NRXN3: variants seen among roughly 807,000 people sequenced by gnomAD.
NRXN3 encodes neurexin 3.
In NRXN3, 32 loss-of-function variants were observed where a neutral mutation model predicts 137.6. The ratio of observed to expected loss-of-function variants is 0.23; its 90% CI spans 0.18 to 0.31. The LOEUF is 0.31. Ranked by LOEUF, NRXN3 falls within the 10% of genes least tolerant of loss-of-function variation. The probability of loss-of-function intolerance (pLI) is 1.00; values close to 1 mark genes in which losing one functional copy is unlikely to be tolerated. For missense variants in NRXN3, 1,574 were observed against 2,062.5 expected (o/e 0.76, Z 4.59); for synonymous variants, 798 against 784.5 (o/e 1.02, Z -0.29).
chr14:79,644,821 C>G (rs2098446707), intron 16 of NRXN3, among the ~76,000 whole-genome samples: 1 of 135,722 alleles, frequency 7.4e-6, no homozygotes, highest in African/African-American at 2.5e-5. Flanking sequence ...CATATATTAT[C>G]TCATTTGATC....
At chr14:79,423,620 C>T (rs2095613402) in intron 15 of NRXN3, among the ~76,000 whole-genome samples, 1 of 152,210 alleles carries the variant, frequency 6.6e-6, no homozygotes, top group African/African-American at 2.4e-5. Flanking sequence ...CTCCACTTTT[C>T]CTTCCCCAGT....
intron 16 of NRXN3, among the ~76,000 whole-genome samples, chr14:79,585,240 A>C (rs1053582261): frequency 1.3e-5 from 2 of 152,216 alleles, no homozygotes; most frequent in African/African-American, 4.8e-5. Flanking sequence ...AAAGAAGTTT[A>C]GTAGACTCAT....
At chr14:79,482,114 T>C (rs2096614863) in intron 16 of NRXN3, among the ~76,000 whole-genome samples, 1 of 152,218 alleles carries the variant, frequency 6.6e-6, no homozygotes, top group South Asian at 2.1e-4. Context: ...CTTAGCATAA[T>C]TCAGGTGTCT....
chr14:79,419,913 G>A (rs2095551423), intron 15 of NRXN3, among the ~76,000 whole-genome samples: 1 of 152,180 alleles, frequency 6.6e-6, no homozygotes, highest in African/African-American at 2.4e-5. Flanking sequence ...AGAAGCTCTC[G>A]GTGATCTGCC....
intron 4 of NRXN3, among the ~76,000 whole-genome samples, chr14:78,386,843 C>A (rs574159438): frequency 1.3e-4 from 19 of 151,820 alleles, no homozygotes; most frequent in African/African-American, 4.8e-5. Flanking sequence ...TGCAGCGGTG[C>A]CATCTTGGCT....
intron 15 of NRXN3, among the ~76,000 whole-genome samples, chr14:79,406,179 C>T (rs1034179179): frequency 6.6e-6 from 1 of 151,960 alleles, no homozygotes; most frequent in African/African-American, 2.4e-5. Context: ...GCCAGATGAC[C>T]AAGCCCTACA....
intron 16 of NRXN3, among the ~76,000 whole-genome samples, chr14:79,620,821 T>G (rs2098215891): frequency 1.3e-5 from 2 of 152,054 alleles, no homozygotes; most frequent in Admixed American, 1.3e-4. Context: ...GAACTTCTCA[T>G]GGAGGAAATA....
chr14:79,713,601 A>C (rs2098813385), intron 19 of NRXN3, among the ~76,000 whole-genome samples: 1 of 131,606 alleles, frequency 7.6e-6, no homozygotes. Flanking sequence ...ATATACATAC[A>C]TATACATATA....
At chr14:79,814,359 C>G (rs746623297) in intron 20 of NRXN3, among the ~76,000 whole-genome samples, 1 of 152,184 alleles carries the variant, frequency 6.6e-6, no homozygotes, top group African/African-American at 2.4e-5. Flanking sequence ...ATTTGAAATC[C>G]TCTGCCTTTA....
At chr14:79,107,152 G>A (rs2052600132) in intron 15 of NRXN3, among the ~76,000 whole-genome samples, 1 of 152,092 alleles carries the variant, frequency 6.6e-6, no homozygotes, top group South Asian at 2.1e-4. Flanking sequence ...GGACCTAAGA[G>A]CCCTCCTCAG....
chr14:79,858,500 C>CAGTT (rs904666629), intron 20 of NRXN3, among the ~76,000 whole-genome samples: 11 of 152,128 alleles, frequency 7.2e-5, no homozygotes, highest in African/African-American at 2.7e-4. Context: ...CCTAAGATAT[C>CAGTT]AGTTATTCCT....
chr14:79,532,956 T>G (rs867143733), intron 16 of NRXN3, among the ~76,000 whole-genome samples: 3 of 152,132 alleles, frequency 2.0e-5, no homozygotes, highest in African/African-American at 7.2e-5. Flanking sequence ...GAACCTAAAT[T>G]CTATTCCCAA....
chr14:78,968,225 G>A lies in NRXN3; in HGVS notation c.3021G>A (p.Lys1007=). 3.7e-6 allele frequency: 6 copies of A among 1,613,954 alleles called. No homozygotes were observed. The highest frequency in any genetic ancestry group is 5.1e-6 in the Non-Finnish European group (6 of 1,179,928). The change falls in exon 14 of 21, where the codon AAG becomes AAA. Residue 1007 remains lysine (K), a synonymous_variant. Coordinates refer to ENST00000335750, the MANE Select transcript of NRXN3 (RefSeq NM_001330195.2). Reference sequence around the variant, plus strand: ...AAGGCATGTACAGCAACCTCCCAAAGCTCGTGGCCTCTCGAGATGGCTTTC... The same window carrying A: ...AAGGCATGTACAGCAACCTCCCAAAACTCGTGGCCTCTCGAGATGGCTTTC... ...LAQGMYSNLP[K]LVASRDGFQG...
intron 16 of NRXN3, among the ~76,000 whole-genome samples, chr14:79,631,280 G>A (rs1345732141): frequency 6.6e-6 from 1 of 152,250 alleles, no homozygotes; most frequent in Non-Finnish European, 1.5e-5. Flanking sequence ...AGGGTAGGAG[G>A]TACTTTTGAG....
intron 10 of NRXN3, among the ~76,000 whole-genome samples, chr14:78,941,266 T>C (rs1466242394): frequency 6.6e-6 from 1 of 152,106 alleles, no homozygotes; most frequent in Non-Finnish European, 1.5e-5. Context: ...GGATATTAAG[T>C]TCTCACAGAC....
chr14:79,670,808 T>G (rs2153998025), intron 17 of NRXN3, among the ~76,000 whole-genome samples: 1 of 152,242 alleles, frequency 6.6e-6, no homozygotes, highest in Admixed American at 6.5e-5. Context: ...ATTGTCTGGA[T>G]TATCTACCAC....
intron 10 of NRXN3, among the ~76,000 whole-genome samples, chr14:78,907,212 T>C (rs2099220215): frequency 6.6e-6 from 1 of 152,086 alleles, no homozygotes; most frequent in Admixed American, 6.6e-5. Flanking sequence ...GTCAGCTTTG[T>C]TGCATGGTCT....
At chr14:78,693,717 T>C (rs1207251839) in intron 6 of NRXN3, among the ~76,000 whole-genome samples, 1 of 147,650 alleles carries the variant, frequency 6.8e-6, no homozygotes, top group Non-Finnish European at 1.5e-5. Flanking sequence ...GTGTGTTCTC[T>C]TGCTTTCTTT....
intron 15 of NRXN3, among the ~76,000 whole-genome samples, chr14:79,270,373 A>T (rs1386353021): frequency 6.6e-6 from 1 of 152,252 alleles, no homozygotes; most frequent in Admixed American, 6.5e-5. Flanking sequence ...TATTGCACAA[A>T]TATCCATTAA....
Sources: gnomAD v4.1 joint callset for allele counts (sites outside exome capture counted in the v4.1 genomes callset) on GRCh38, gnomAD v4.1.1 for gene constraint, MANE v1.5 for transcripts, NCBI Gene and HGNC (gene_info 2026-07-23, HGNC 2026-07-21) for gene names.